IGDCC3: variants seen among roughly 807,000 people sequenced by gnomAD.
IGDCC3 encodes the protein immunoglobulin superfamily DCC subclass member 3.
Under a neutral mutation model 72.0 loss-of-function variants are expected in IGDCC3, and 47 were observed. The observed-to-expected ratio is 0.65, with a 90% confidence interval of 0.52 to 0.83. The LOEUF (loss-of-function observed/expected upper bound fraction) is 0.83. Among genes scored for constraint, IGDCC3 ranks in the 40% least tolerant of loss-of-function variants. The probability of loss-of-function intolerance (pLI) is 0.00; values close to 1 mark genes in which losing one functional copy is unlikely to be tolerated. For missense variants in IGDCC3, 1,038 were observed against 1,091.3 expected (o/e 0.95, Z 0.69); for synonymous variants, 477 against 472.8 (o/e 1.01, Z -0.11).
At chr15:65,352,749 A>G (rs1026263379) in intron 2 of IGDCC3, among the ~76,000 whole-genome samples, 1 of 152,232 alleles carries the variant, frequency 6.6e-6, no homozygotes, top group Non-Finnish European at 1.5e-5. Flanking sequence ...TTATTGCTGC[A>G]CTTTATACAA....
intron 2 of IGDCC3, among the ~76,000 whole-genome samples, chr15:65,362,714 G>T (rs1246468701): frequency 6.6e-6 from 1 of 152,130 alleles, no homozygotes; most frequent in Non-Finnish European, 1.5e-5. Context: ...GAGGGAGCTT[G>T]AACCCAGAGC....
chr15:65,348,394 G>T (rs958186462), intron 2 of IGDCC3, among the ~76,000 whole-genome samples: 1 of 152,208 alleles, frequency 6.6e-6, no homozygotes, highest in East Asian at 1.9e-4. Context: ...GGCAATCACA[G>T]AAGGATTATA....
chr15:65,368,321 G>A (rs887693053), intron 2 of IGDCC3, among the ~76,000 whole-genome samples: 1 of 151,908 alleles, frequency 6.6e-6, no homozygotes, highest in Non-Finnish European at 1.5e-5. Context: ...GGGGCTGGGG[G>A]CCTGTTTCAT....
Position 65,330,298 on chromosome 15 carries a change from C to T in IGDCC3, c.1853G>A (p.Arg618Lys). ...RFVSLRGASE[R>K]TALSPPCDCR... ...ACTCCATCCCCAGCCCTCACCTGTC[C>T]TCTCAGATGCTCCCCTCAAAGACAC... Residue 618 changes from arginine (R) to lysine (K), a missense_variant, in exon 11 of 14, where the codon AGG (arginine) becomes AAG (lysine). By Grantham distance (26) the Arg-to-Lys change is conservative. Transcript: ENST00000327987. The T allele has an allele frequency of 6.2e-7, 1 of 1,611,588 alleles. No homozygotes were observed.
intron 8 of IGDCC3, 76 bp from the exon 9 acceptor site, chr15:65,331,290 C>A (rs1595749269): frequency 3.2e-6 from 5 of 1,578,434 alleles, no homozygotes; most frequent in Non-Finnish European, 2.6e-6. Flanking sequence ...ATGAGGGCAG[C>A]CAGGGTGCCC....
At chr15:65,343,521 G>A (rs543083384) in intron 2 of IGDCC3, among the ~76,000 whole-genome samples, 33 of 152,298 alleles carry the variant, frequency 2.2e-4, no homozygotes, top group African/African-American at 7.2e-4. Flanking sequence ...GTTGGAAGAG[G>A]CCACTGGGTA....
chr15:65,370,514 AAAT>A lies in IGDCC3; in HGVS notation c.409+4580_409+4582del, dbSNP rs1291359215. Among the ~76,000 whole-genome samples the A allele has an allele frequency of 9.4e-4, 51 of 53,996 alleles. 1 individual carries two copies. The highest frequency in any genetic ancestry group is 1.6e-3 in the Non-Finnish European group (41 of 26,252). 35.4% of individuals were successfully genotyped at this position (53,996 alleles called of 152,430 possible). The stretch of plus-strand genomic sequence containing the variant: ...AGAGCGAGACTTGGTCTCAAAAAAA[AAAT>A]ATATATATATATATATATATTTATA... On this transcript the variant is annotated intron_variant, in intron 2 of 13. Transcript: ENST00000327987.
rs777099145 is a variant in IGDCC3 at position 65,329,052 on chromosome 15, T to C, written c.2302A>G (p.Lys768Glu). The change falls in exon 14 of 14, where the codon AAG becomes GAG. Residue 768 changes from lysine (K) to glutamate (E), a missense_variant. Transcript: ENST00000327987. This position sits in a 1 kb window ranked among gnomAD's most constrained non-coding sequence, Gnocchi z 4.1. Reference sequence around the variant, plus strand: ...CAGGGAGCCGTGGCCTCTGTGGTCTTCGCCTCCGTCGTCTTCCCCTCCATC... The same window carrying C: ...CAGGGAGCCGTGGCCTCTGTGGTCTCCGCCTCCGTCGTCTTCCCCTCCATC... ...GLMEGKTTEA[K>E]TTEATAPCAG... 2.4e-5 allele frequency: 39 copies of C among 1,611,954 alleles called. 1 individual carries two copies. In the Middle Eastern group the frequency reaches 5.8e-3, roughly 239 times the overall value.
intron 2 of IGDCC3, among the ~76,000 whole-genome samples, chr15:65,345,554 A>ACACG (rs1286360951): frequency 2.7e-5 from 4 of 149,714 alleles, no homozygotes; most frequent in Non-Finnish European, 5.9e-5. Flanking sequence ...ACCCTGTCTC[A>ACACG]CACGCACACA....
intron 2 of IGDCC3, among the ~76,000 whole-genome samples, chr15:65,345,617 T>TAA (rs1374563317): frequency 6.8e-6 from 1 of 146,840 alleles, no homozygotes; most frequent in Non-Finnish European, 1.5e-5. Context: ...CGCACAAAAA[T>TAA]AAATAAGAAA....
At chr15:65,376,791 C>A (rs1463366175) in intron 1 of IGDCC3, among the ~76,000 whole-genome samples, 5 of 152,190 alleles carry the variant, frequency 3.3e-5, no homozygotes, top group Non-Finnish European at 5.9e-5. Context: ...GCTTCTACTT[C>A]TTGGGAGAGG....
chr15:65,328,787 T>A lies in IGDCC3; in HGVS notation c.*122A>T. The A allele has an allele frequency of 7.9e-7, 1 of 1,261,866 alleles. No homozygotes were observed. Among genetic ancestry groups the A allele is most frequent in the Non-Finnish European group, 1.0e-6 (1 of 953,276 alleles). The allele number at this position is 1,261,866 out of a possible 1,614,324, so 78.2% of individuals were successfully genotyped here. On this transcript the variant is annotated 3_prime_UTR_variant, in exon 14 of 14. Transcript: ENST00000327987. ...TGGGTTTTGACAACCCAAGAGGCAG[T>A]CAGGATAGAAATGCTGGGGAGCCCC... is the stretch of plus-strand genomic sequence containing the variant.
rs1422041184 is a variant in IGDCC3 at position 65,329,077 on chromosome 15, C to T, written c.2277G>A (p.Leu759=). 1 of 1,611,510 alleles carries T rather than the reference C, an allele frequency of 6.2e-7. No individual in the cohort carries two copies. ...LSVLPLQGCG[L]MEGKTTEAKT... Reference sequence around the variant, plus strand: ...TCGCCTCCGTCGTCTTCCCCTCCATCAGGCCGCACCCCTGAAGTGGCAGCA... The same window carrying T: ...TCGCCTCCGTCGTCTTCCCCTCCATTAGGCCGCACCCCTGAAGTGGCAGCA... The change falls in exon 14 of 14, where the codon CTG becomes CTA. Residue 759 remains leucine (L), a synonymous_variant. Transcript: ENST00000327987. This position sits in a 1 kb window ranked among gnomAD's most constrained non-coding sequence, Gnocchi z 4.1.
intron 2 of IGDCC3, among the ~76,000 whole-genome samples, chr15:65,344,346 G>A (rs959031651): frequency 3.9e-5 from 6 of 152,140 alleles, no homozygotes; most frequent in East Asian, 1.9e-4. Context: ...GTCCTTCGCC[G>A]CCTGCCTTGG....
chr15:65,346,297 T>A (rs1235435387), intron 2 of IGDCC3, among the ~76,000 whole-genome samples: 3 of 152,210 alleles, frequency 2.0e-5, no homozygotes, highest in Non-Finnish European at 2.9e-5. Context: ...ATCTGAGCTG[T>A]GAAGCCTTGA....
At chr15:65,342,541 T>A (rs1007898053) in intron 2 of IGDCC3, among the ~76,000 whole-genome samples, 2 of 152,190 alleles carry the variant, frequency 1.3e-5, no homozygotes, top group East Asian at 3.9e-4. Context: ...GAGAAGTCTA[T>A]CGGATAGTGC....
chr15:65,338,530 C>A (rs1002298255), intron 2 of IGDCC3, among the ~76,000 whole-genome samples: 1 of 152,124 alleles, frequency 6.6e-6, no homozygotes, highest in African/African-American at 2.4e-5. Context: ...CTAGGGAAGG[C>A]TCTTCACCCC....
intron 2 of IGDCC3, among the ~76,000 whole-genome samples, chr15:65,345,371 T>C (rs1200329129): frequency 2.0e-5 from 3 of 152,072 alleles, no homozygotes; most frequent in Non-Finnish European, 4.4e-5. Flanking sequence ...TTGGGCAACA[T>C]GGTGAAATCC....
chr15:65,345,673 A>C lies in IGDCC3; in HGVS notation c.410-9717T>G, dbSNP rs141679919. Among the ~76,000 whole-genome samples, 160 of 152,318 alleles carry C rather than the reference A, an allele frequency of 1.1e-3. 2 individuals are homozygous for C. In the East Asian group the frequency reaches 0.02, roughly 19 times the overall value. On this transcript the variant is annotated intron_variant, in intron 2 of 13. Coordinates refer to ENST00000327987, the MANE Select transcript of IGDCC3 (RefSeq NM_004884.4). ...AAAAAAGAAACATCAGAAGGATGAA[A>C]GCACCAGAGCCAGGATCTTAGGTCA... is the stretch of plus-strand genomic sequence containing the variant.
Sources: allele counts gnomAD v4.1 joint callset (sites outside exome capture counted in the v4.1 genomes callset), GRCh38; gene constraint gnomAD v4.1.1; non-coding constraint Gnocchi (gnomAD v3.1); transcripts MANE v1.5; gene names NCBI Gene and HGNC (gene_info 2026-07-23, HGNC 2026-07-21).